Variants in GRIK2 observed in about 807,000 individuals in gnomAD.
GRIK2 encodes glutamate receptor ionotropic, kainate 2.
In GRIK2, 32 loss-of-function variants were observed where a neutral mutation model predicts 100.3. The ratio of observed to expected loss-of-function variants is 0.32; its 90% CI spans 0.24 to 0.43. The LOEUF (loss-of-function observed/expected upper bound fraction) is 0.43. GRIK2 is among the 20% of genes least tolerant of loss of function. The pLI, the probability that GRIK2 is intolerant of heterozygous loss-of-function variation, is 1.00. For synonymous variants in GRIK2, 417 were observed against 389.4 expected, an observed-to-expected ratio of 1.07 and a Z score of -0.83; for missense variants, 843 against 1,114.9, an observed-to-expected ratio of 0.76 and a Z score of 3.47.
At chr6:101,512,254 G>C (rs1397991991) in intron 2 of GRIK2, among the ~76,000 whole-genome samples, 1 of 151,770 alleles carries the variant, frequency 6.6e-6, no homozygotes, top group Non-Finnish European at 1.5e-5. Flanking sequence ...ATATGGTATG[G>C]TATATGTATA....
chr6:102,062,989 A>G (rs1365827791), intron 16 of GRIK2, among the ~76,000 whole-genome samples: 1 of 150,694 alleles, frequency 6.6e-6, no homozygotes, highest in African/African-American at 2.4e-5. Context: ...CATGTGACTT[A>G]CTATTCTTGG....
Position 101,999,633 on chromosome 6 carries a change from A to C in GRIK2, c.2086-35708A>C, listed in dbSNP as rs141025111. On this transcript the variant is annotated intron_variant, in intron 14 of 16. Transcript: ENST00000369134. ...TGTAGAGTAATATGTTGTCTATGGA[A>C]AAAAAAGGTTTTCCTCTTCCCCACC... is the stretch of plus-strand genomic sequence containing the variant. 5.1e-3 allele frequency among the ~76,000 whole-genome samples: 770 copies of C among 152,130 alleles called. 9 individuals are homozygous for C. The highest frequency in any genetic ancestry group is 0.018 in the African/African-American group (746 of 41,544).
At chr6:101,627,876 C>T (rs1582852631) in intron 4 of GRIK2, among the ~76,000 whole-genome samples, 1 of 151,982 alleles carries the variant, frequency 6.6e-6, no homozygotes. Context: ...CAGTTAAAAA[C>T]AAGTCTCAGA....
chr6:101,556,231 A>C (rs1250199432), intron 2 of GRIK2, among the ~76,000 whole-genome samples: 1 of 149,546 alleles, frequency 6.7e-6, no homozygotes. Flanking sequence ...GAGTTTTCGT[A>C]GGGTTATTAG....
intron 2 of GRIK2, among the ~76,000 whole-genome samples, chr6:101,581,179 TATAC>T (rs753387793): frequency 1.3e-5 from 2 of 148,276 alleles, no homozygotes; most frequent in East Asian, 2.0e-4. Flanking sequence ...TATATATATA[TATAC>T]ACACACACAC....
At chr6:101,545,459 T>G (rs1047411076) in intron 2 of GRIK2, among the ~76,000 whole-genome samples, 2 of 152,222 alleles carry the variant, frequency 1.3e-5, no homozygotes, top group African/African-American at 4.8e-5. Context: ...TTTTAAGTTG[T>G]ATGCATATTT....
At chr6:101,645,750 A>C (rs1249559756) in intron 4 of GRIK2, among the ~76,000 whole-genome samples, 1 of 151,868 alleles carries the variant, frequency 6.6e-6, no homozygotes, top group Admixed American at 6.6e-5. Context: ...ATTATGTAAA[A>C]AAGCTTGAAC....
At chr6:101,871,112 A>G (rs1457263052) in intron 11 of GRIK2, among the ~76,000 whole-genome samples, 1 of 151,912 alleles carries the variant, frequency 6.6e-6, no homozygotes, top group East Asian at 1.9e-4. Context: ...ATGCTGTAAT[A>G]AAAGTATAAT....
At chr6:102,011,423 G>T (rs1038846496) in intron 14 of GRIK2, among the ~76,000 whole-genome samples, 6 of 151,898 alleles carry the variant, frequency 4.0e-5, no homozygotes, top group African/African-American at 1.5e-4. Flanking sequence ...GAATATTTTG[G>T]TTAATAGTTC....
chr6:101,833,120 T>C (rs1398952907), intron 10 of GRIK2, among the ~76,000 whole-genome samples: 1 of 152,218 alleles, frequency 6.6e-6, no homozygotes, highest in African/African-American at 2.4e-5. Flanking sequence ...AGTCAATTTA[T>C]GGAAATGCTC....
chr6:101,883,333 G>A (rs1426181461), intron 11 of GRIK2, among the ~76,000 whole-genome samples: 6 of 140,314 alleles, frequency 4.3e-5, no homozygotes, highest in Admixed American at 7.0e-5. Flanking sequence ...ATAATAAAGG[G>A]GGTCCTGAGG....
intron 14 of GRIK2, among the ~76,000 whole-genome samples, chr6:101,934,413 A>C (rs144882862): frequency 1.9e-3 from 291 of 151,990 alleles, no homozygotes; most frequent in African/African-American, 6.5e-3. Flanking sequence ...CCAGCTCAAT[A>C]GTCTTCTAAA....
chr6:101,912,359 C>G (rs78201585), intron 12 of GRIK2, among the ~76,000 whole-genome samples: 1 of 151,440 alleles, frequency 6.6e-6, no homozygotes, highest in East Asian at 1.9e-4. Context: ...GCTCCCACTA[C>G]TTAGCATTAA....
intron 2 of GRIK2, among the ~76,000 whole-genome samples, chr6:101,539,145 C>CAG (rs1219159285): frequency 6.6e-6 from 1 of 151,816 alleles, no homozygotes; most frequent in East Asian, 1.9e-4. Context: ...ATGATTAACA[C>CAG]AGACTCTTAA....
At chr6:101,520,086 T>G (rs1208362274) in intron 2 of GRIK2, among the ~76,000 whole-genome samples, 1 of 152,068 alleles carries the variant, frequency 6.6e-6, no homozygotes, top group African/African-American at 2.4e-5. Flanking sequence ...CCAAAATTAT[T>G]TTTTCACATT....
chr6:102,016,289 A>G (rs1795828493), intron 14 of GRIK2, among the ~76,000 whole-genome samples: 2 of 152,162 alleles, frequency 1.3e-5, no homozygotes, highest in South Asian at 4.1e-4. Context: ...GCCAGTATAG[A>G]AAAAGAATAT....
chr6:101,588,825 A>T (rs1778510953), intron 2 of GRIK2, among the ~76,000 whole-genome samples: 1 of 152,118 alleles, frequency 6.6e-6, no homozygotes, highest in South Asian at 2.1e-4. Flanking sequence ...TTAAAGTATA[A>T]TAAAAATATG....
At chr6:101,810,443 A>G (rs1412324265) in intron 9 of GRIK2, among the ~76,000 whole-genome samples, 1 of 152,056 alleles carries the variant, frequency 6.6e-6, no homozygotes, top group Non-Finnish European at 1.5e-5. Context: ...CTCGAATGGT[A>G]AAATCCGAGA....
chr6:101,768,462 G>C (rs1408150505), intron 7 of GRIK2, among the ~76,000 whole-genome samples: 1 of 152,102 alleles, frequency 6.6e-6, no homozygotes, highest in Non-Finnish European at 1.5e-5. Context: ...TGTGTCTGGT[G>C]AGCAAATTAT....
Sources: gnomAD v4.1 joint callset for allele counts (sites outside exome capture counted in the v4.1 genomes callset) on GRCh38, gnomAD v4.1.1 for gene constraint, MANE v1.5 for transcripts, NCBI Gene and HGNC (gene_info 2026-07-23, HGNC 2026-07-21) for gene names.